Variants in OSBPL10 observed in about 807,000 individuals in gnomAD.
OSBPL10 encodes the protein oxysterol-binding protein-related protein 10.
In OSBPL10, 49 loss-of-function variants were observed where a neutral mutation model predicts 81.7. The observed-to-expected ratio is 0.60, with a 90% CI of 0.48 to 0.76. The LOEUF is 0.76. Ranked by LOEUF, OSBPL10 falls within the 30% of genes least tolerant of loss-of-function variation. The probability of loss-of-function intolerance (pLI) is 0.00; values close to 1 mark genes in which losing one functional copy is unlikely to be tolerated. For missense variants in OSBPL10, 923 were observed against 987.8 expected, an observed-to-expected ratio of 0.93 and a Z score of 0.88; for synonymous variants, 419 against 383.6, an observed-to-expected ratio of 1.09 and a Z score of -1.08.
Position 31,876,483 on chromosome 3 carries a change from C to T in OSBPL10, c.487G>A (p.Val163Met). Residue 163 changes from valine (V) to methionine (M), a missense_variant, in exon 3 of 12, where the codon GTG (valine) becomes ATG (methionine). By Grantham distance (21) the Val-to-Met change is conservative. Transcript: ENST00000396556. ...TTGGCACAAGCTCGAAGCTGAGTCA[C>T]CCAGAATTGTTTCTCTTTTGCATCA... ...AADAKEKQFWVTQLRACAKYH... is the reference protein window; with the variant it reads ...AADAKEKQFWMTQLRACAKYH... 3 of 1,613,588 alleles carry T rather than the reference C, an allele frequency of 1.9e-6. No homozygotes were observed. Among genetic ancestry groups the T allele is most frequent in the Non-Finnish European group, 2.5e-6 (3 of 1,179,512 alleles).
chr3:31,899,749 G>A (rs1457491016), intron 1 of OSBPL10, among the ~76,000 whole-genome samples: 1 of 152,134 alleles, frequency 6.6e-6, no homozygotes, highest in Non-Finnish European at 1.5e-5. Flanking sequence ...GAAAGGCTGA[G>A]GCAGGAGAAT....
At chr3:31,783,977 A>G (rs893669767) in intron 4 of OSBPL10, among the ~76,000 whole-genome samples, 2 of 150,992 alleles carry the variant, frequency 1.3e-5, no homozygotes, top group African/African-American at 4.9e-5. Context: ...TCTTCTCTAT[A>G]AACCAAATGA....
chr3:32,035,878 C>T (rs1033980275), intron 2 of OSBPL10, among the ~76,000 whole-genome samples: 1 of 152,150 alleles, frequency 6.6e-6, no homozygotes, highest in African/African-American at 2.4e-5. Context: ...GTGCAACCAT[C>T]ACTACCATCT....
chr3:31,823,836 A>ATG (rs1228833321), intron 4 of OSBPL10, among the ~76,000 whole-genome samples: 76 of 89,424 alleles, frequency 8.5e-4, no homozygotes, highest in South Asian at 2.6e-3. Flanking sequence ...TTTAATTTGT[A>ATG]TGTGTGTATG....
At chr3:31,699,558 G>A (rs905453135) in intron 7 of OSBPL10, among the ~76,000 whole-genome samples, 3 of 152,174 alleles carry the variant, frequency 2.0e-5, no homozygotes, top group Non-Finnish European at 4.4e-5. Flanking sequence ...TGCTGTGTGG[G>A]GCACAGTGGA....
chr3:31,675,159 G>A (rs1178822296), intron 8 of OSBPL10, among the ~76,000 whole-genome samples: 1 of 132,638 alleles, frequency 7.5e-6, no homozygotes, highest in East Asian at 2.4e-4. Flanking sequence ...CACCCTTCAT[G>A]TCCTTAATCG....
chr3:32,026,105 G>GATGAT (rs1399253970), intron 2 of OSBPL10, among the ~76,000 whole-genome samples: 1 of 138,976 alleles, frequency 7.2e-6, no homozygotes, highest in Non-Finnish European at 1.6e-5. Context: ...TAGATAGATA[G>GATGAT]AGATAGAGAT....
chr3:32,041,875 G>A (rs1699579280), intron 2 of OSBPL10, among the ~76,000 whole-genome samples: 1 of 152,112 alleles, frequency 6.6e-6, no homozygotes. Flanking sequence ...GGCCAGGCTG[G>A]TCTCGAACTC....
chr3:31,935,515 T>C (rs1450252050), intron 1 of OSBPL10, among the ~76,000 whole-genome samples: 1 of 70,668 alleles, frequency 1.4e-5, no homozygotes, highest in Non-Finnish European at 2.2e-5. Context: ...ATGAAATAGA[T>C]TTTTTTTTTT....
chr3:31,876,344 G>A, intron 3 of OSBPL10, 89 bp downstream of exon 3: 1 of 1,172,316 alleles, frequency 8.5e-7, no homozygotes, highest in South Asian at 1.3e-5. Flanking sequence ...AAAATAACAT[G>A]AAAAACACCT....
At chr3:31,796,683 C>T (rs1170440292) in intron 4 of OSBPL10, among the ~76,000 whole-genome samples, 2 of 152,192 alleles carry the variant, frequency 1.3e-5, no homozygotes, top group Non-Finnish European at 2.9e-5. Flanking sequence ...GCCTCTACCA[C>T]TAGAAGTCAA....
At chr3:32,005,278 A>T (rs1034984469) in intron 2 of OSBPL10, among the ~76,000 whole-genome samples, 3 of 152,132 alleles carry the variant, frequency 2.0e-5, no homozygotes, top group Non-Finnish European at 4.4e-5. Context: ...ATGCACACGC[A>T]CATCTAGTTC....
chr3:31,831,780 T>C (rs1007361850), intron 3 of OSBPL10, among the ~76,000 whole-genome samples: 5 of 151,288 alleles, frequency 3.3e-5, no homozygotes, highest in Non-Finnish European at 7.4e-5. Flanking sequence ...TTTGTGGAGG[T>C]AAAAAAGGTG....
At chr3:31,879,275 A>G (rs1209213857) in intron 2 of OSBPL10, 1 of 157,838 alleles carries the variant, frequency 6.3e-6, no homozygotes, top group Non-Finnish European at 1.4e-5. Flanking sequence ...TGGGGGGAAA[A>G]CACTAGGACC....
chr3:31,949,228 A>T (rs1263417045), intron 1 of OSBPL10, among the ~76,000 whole-genome samples: 1 of 152,222 alleles, frequency 6.6e-6, no homozygotes, highest in Non-Finnish European at 1.5e-5. Flanking sequence ...TGAACCAATC[A>T]ACTGAAAAAA....
chr3:32,060,209 T>A (rs1157760921), intron 1 of OSBPL10, among the ~76,000 whole-genome samples: 1 of 152,206 alleles, frequency 6.6e-6, no homozygotes, highest in Non-Finnish European at 1.5e-5. Context: ...AGTATGTATG[T>A]CTTCAAATAA....
chr3:31,729,081 T>C (rs890856087), intron 6 of OSBPL10, among the ~76,000 whole-genome samples: 14 of 152,240 alleles, frequency 9.2e-5, no homozygotes, highest in Non-Finnish European at 2.1e-4. Context: ...TTTGATTTGT[T>C]AAAACTGAGA....
intron 4 of OSBPL10, among the ~76,000 whole-genome samples, chr3:31,792,225 C>CA (rs369733747): frequency 0.058 from 7,776 of 133,604 alleles, 653 homozygotes; most frequent in African/African-American, 0.19. Context: ...ACCCTGTCTC[C>CA]AAAAAAAAAA....
chr3:31,811,047 G>C (rs1699665418), intron 4 of OSBPL10, among the ~76,000 whole-genome samples: 1 of 152,110 alleles, frequency 6.6e-6, no homozygotes, highest in African/African-American at 2.4e-5. Flanking sequence ...TAACCACTGA[G>C]CCCTCATGTA....
Sources: allele counts gnomAD v4.1 joint callset (sites outside exome capture counted in the v4.1 genomes callset), GRCh38; gene constraint gnomAD v4.1.1; transcripts MANE v1.5; gene names NCBI Gene and HGNC (gene_info 2026-07-23, HGNC 2026-07-21).